SAMD7: variants seen among roughly 807,000 people sequenced by gnomAD.
SAMD7 encodes sterile alpha motif domain-containing protein 7.
In SAMD7, 34 loss-of-function variants were observed where a neutral mutation model predicts 36.7. That is an observed-to-expected ratio of 0.93 (90% CI 0.71 to 1.23). The LOEUF (loss-of-function observed/expected upper bound fraction) is 1.23. SAMD7 is among the 50% of genes most tolerant of loss of function. SAMD7 has a pLI of 0.00. For synonymous variants in SAMD7, 188 were observed against 189.7 expected, an observed-to-expected ratio of 0.99 and a Z score of 0.07; for missense variants, 570 against 546.6, an observed-to-expected ratio of 1.04 and a Z score of -0.43.
chr3:169,936,210 T>C (rs938490701), intron 7 of SAMD7, 129 bp from the exon 8 acceptor site: 2 of 606,684 alleles, frequency 3.3e-6, no homozygotes, highest in Non-Finnish European at 5.9e-6. Context: ...TAAAAAAAGG[T>C]TTTACAAATT....
At chr3:169,934,342 T>C (rs976551763) in intron 7 of SAMD7, among the ~76,000 whole-genome samples, 3 of 151,976 alleles carry the variant, frequency 2.0e-5, no homozygotes. Flanking sequence ...GAACACAACC[T>C]AGAGGAGGCA....
At chr3:169,919,970 T>A (rs566517245) in intron 3 of SAMD7, among the ~76,000 whole-genome samples, 1 of 152,134 alleles carries the variant, frequency 6.6e-6, no homozygotes, top group East Asian at 1.9e-4. Flanking sequence ...GTCAGGAGTT[T>A]GAGACCAGCC....
intron 3 of SAMD7, among the ~76,000 whole-genome samples, chr3:169,920,691 T>C (rs1004109093): frequency 4.6e-5 from 7 of 152,218 alleles, no homozygotes; most frequent in Non-Finnish European, 1.0e-4. Context: ...TTTTTGTTGT[T>C]GTTGTTTAGA....
chr3:169,934,826 A>T (rs1237176326), intron 7 of SAMD7, among the ~76,000 whole-genome samples: 3 of 152,208 alleles, frequency 2.0e-5, no homozygotes, highest in Admixed American at 6.5e-5. Flanking sequence ...TCAGAAGCCT[A>T]AGAAACCCTA....
intron 5 of SAMD7, 26 bp downstream of exon 5, chr3:169,925,162 A>G (rs1436596897): frequency 9.5e-6 from 14 of 1,469,694 alleles, no homozygotes; most frequent in Non-Finnish European, 1.2e-5. Context: ...TGTTTTATTT[A>G]TTCTCTATTC....
At chr3:169,924,454 G>A (rs1226717778) in intron 4 of SAMD7, among the ~76,000 whole-genome samples, 5 of 151,972 alleles carry the variant, frequency 3.3e-5, no homozygotes, top group Admixed American at 3.3e-4. Context: ...GGGTGTGGTG[G>A]CATGCGCCTG....
intron 2 of SAMD7, 68 bp from the exon 3 acceptor site, chr3:169,919,389 TC>T: frequency 1.2e-6 from 1 of 851,400 alleles, no homozygotes; most frequent in Non-Finnish European, 2.0e-6. Flanking sequence ...TTTATTGTGT[TC>T]AAGAAGAATT....
chr3:169,932,841 C>G, intron 7 of SAMD7: 3 of 599,212 alleles, frequency 5.0e-6, no homozygotes, highest in South Asian at 4.5e-5. Context: ...ATTAACACAG[C>G]TGTCTTTGAT....
Position 169,927,040 on chromosome 3 carries a change from A to G in SAMD7, c.778A>G (p.Arg260Gly). The G allele has an allele frequency of 1.2e-6, 2 of 1,612,994 alleles. No homozygotes were observed. Among genetic ancestry groups the G allele is most frequent in the African/African-American group, 1.3e-5 (1 of 74,856 alleles). ...NTCGELEPTH[R>G]KPWGSHTTTL... ...CTGTGGAGAGCTCGAGCCCACCCAT[A>G]GGAAACCCTGGGGGTCTCACACCAC... The change falls in exon 6 of 9, where the codon AGG becomes GGG. Residue 260 changes from arginine (R) to glycine (G), a missense_variant. Transcript: ENST00000335556.
intron 1 of SAMD7, among the ~76,000 whole-genome samples, chr3:169,912,710 G>A (rs1016780653): frequency 1.6e-4 from 25 of 152,300 alleles, no homozygotes; most frequent in African/African-American, 5.5e-4. Context: ...CAGCCAGCAC[G>A]TAACCCACTG....
chr3:169,918,874 C>T (rs1312221578), intron 2 of SAMD7, among the ~76,000 whole-genome samples: 2 of 152,196 alleles, frequency 1.3e-5, no homozygotes, highest in African/African-American at 4.8e-5. Flanking sequence ...GGGCCAGGCA[C>T]GGTGGCTCAC....
chr3:169,932,590 T>C lies in SAMD7; in HGVS notation c.1042-3749T>C, dbSNP rs1346037266. ...CCTTCCTAACTGTAGGACACAATAC[T>C]TGTTTTTATGGGAAGTGTTATTACT... On this transcript the variant is annotated intron_variant, in intron 7 of 8. Coordinates refer to ENST00000335556, the MANE Select transcript of SAMD7 (RefSeq NM_001304366.2). The C allele has an allele frequency of 1.3e-5, 7 of 522,534 alleles. No homozygotes were observed. In the East Asian group the frequency reaches 2.3e-4, roughly 17 times the overall value. 32.4% of individuals were successfully genotyped at this position (522,534 alleles called of 1,614,324 possible).
chr3:169,927,096 G>C lies in SAMD7; in HGVS notation c.834G>C (p.Gly278=). ...TGAAAGCAAAGGCCTGGGACGATGG[G>C]AAAGAGGAGGCTTCGGAGCAGATTT... ...TTLKAKAWDD[G]KEEASEQIFA... The change falls in exon 6 of 9, where the codon GGG becomes GGC. Residue 278 remains glycine (G), a synonymous_variant. Coordinates refer to ENST00000335556, the MANE Select transcript of SAMD7 (RefSeq NM_001304366.2). 2.5e-6 allele frequency: 4 copies of C among 1,595,038 alleles called. No individual in the cohort carries two copies. The highest frequency in any genetic ancestry group is 3.4e-6 in the Non-Finnish European group (4 of 1,174,778).
chr3:169,928,479 T>A lies in SAMD7; in HGVS notation c.942T>A (p.Ile314=). 6.2e-7 allele frequency: 1 copy of A among 1,612,952 alleles called. No homozygotes were observed. Among genetic ancestry groups the A allele is most frequent in the Non-Finnish European group, 8.5e-7 (1 of 1,178,896 alleles). ...AAGGAACACATGCACTGGTTACAAT[T>A]GGGGGGAATCTTTCTTTGGATGAAG... ...SLPGTHALVT[I]GGNLSLDEDI... The change falls in exon 7 of 9, where the codon ATT becomes ATA. Residue 314 remains isoleucine (I), a synonymous_variant. Coordinates refer to ENST00000335556, the MANE Select transcript of SAMD7 (RefSeq NM_001304366.2).
intron 7 of SAMD7, among the ~76,000 whole-genome samples, chr3:169,930,578 CTTTT>C (rs772549629): frequency 2.9e-5 from 3 of 101,724 alleles, no homozygotes; most frequent in African/African-American, 4.1e-5. Context: ...CCTTTCTTTT[CTTTT>C]TTTTTTTTTT....
At chr3:169,928,372 C>A in intron 6 of SAMD7, 85 bp from the exon 7 acceptor site, 1 of 1,237,302 alleles carries the variant, frequency 8.1e-7, no homozygotes, top group Non-Finnish European at 1.2e-6. Context: ...CAAGACCACT[C>A]TGGGGTGATA....
chr3:169,912,748 A>G (rs1257413768), intron 1 of SAMD7, among the ~76,000 whole-genome samples: 1 of 152,230 alleles, frequency 6.6e-6, no homozygotes, highest in Admixed American at 6.5e-5. Context: ...GGTATGTGCT[A>G]TGGTGAAATG....
chr3:169,930,503 C>T (rs955638347), intron 7 of SAMD7, among the ~76,000 whole-genome samples: 2 of 151,946 alleles, frequency 1.3e-5, no homozygotes, highest in Admixed American at 6.6e-5. Flanking sequence ...CTGCTTGTAC[C>T]CCACTCTCAC....
At chr3:169,927,280 TC>T (rs373768067) in intron 6 of SAMD7, 99 bp downstream of exon 6, 2 of 501,274 alleles carry the variant, frequency 4.0e-6, no homozygotes, top group Non-Finnish European at 6.2e-6. Context: ...CCTCTTTTTA[TC>T]TTTCTTTTTT....
Sources: gnomAD v4.1 joint callset for allele counts (sites outside exome capture counted in the v4.1 genomes callset) on GRCh38, gnomAD v4.1.1 for gene constraint, MANE v1.5 for transcripts, NCBI Gene and HGNC (gene_info 2026-07-23, HGNC 2026-07-21) for gene names.